The following SUGCT variants were observed in gnomAD, a reference collection of about 807,000 sequenced individuals.
SUGCT encodes succinyl-CoA:glutarate CoA-transferase.
In SUGCT, 41 loss-of-function variants were observed where a neutral mutation model predicts 55.0. The observed-to-expected ratio is 0.74, with a 90% confidence interval of 0.58 to 0.97. The LOEUF is 0.97. Among genes scored for constraint, SUGCT ranks in the 50% least tolerant of loss-of-function variants. The pLI is 0.00. For synonymous variants in SUGCT, 187 were observed against 200.4 expected (o/e 0.93, Z 0.56); for missense variants, 568 against 547.8 (o/e 1.04, Z -0.37).
At chr7:40,253,549 G>T (rs546473542) in intron 7 of SUGCT, among the ~76,000 whole-genome samples, 1 of 151,712 alleles carries the variant, frequency 6.6e-6, no homozygotes, top group East Asian at 1.9e-4. Context: ...TTGTTTGATC[G>T]AATGTGTAAA....
the SUGCT span, among the ~76,000 whole-genome samples, chr7:40,892,470 G>T: frequency 2.0e-5 from 3 of 152,132 alleles, no homozygotes; most frequent in East Asian, 3.8e-4. Context: ...AATACTATCA[G>T]AAAACAATAA....
intron 12 of SUGCT, among the ~76,000 whole-genome samples, chr7:40,577,491 A>G (rs2151703613): frequency 6.6e-6 from 1 of 151,992 alleles, no homozygotes; most frequent in African/African-American, 2.4e-5. Flanking sequence ...GATCTCTTGT[A>G]GAGACTCTGT....
the SUGCT span, among the ~76,000 whole-genome samples, chr7:40,967,462 C>T: frequency 2.6e-5 from 4 of 152,138 alleles, no homozygotes; most frequent in Non-Finnish European, 5.9e-5. Context: ...CTCCCACACC[C>T]AAGCAATTAA....
At position 40,247,011 on chromosome 7, in the gene SUGCT, G is replaced by A. The variant is rs965452768; in HGVS notation, c.576+9285G>A. Reference sequence around the variant, plus strand: ...ACCACAAAGTATTCACATTGCTATTGATCAACATTTGAGTTGTTTTTAGTT... The same window carrying A: ...ACCACAAAGTATTCACATTGCTATTAATCAACATTTGAGTTGTTTTTAGTT... On this transcript the variant is annotated intron_variant, in intron 7 of 13. Transcript: ENST00000335693. Among the ~76,000 whole-genome samples, 11 of 152,088 alleles carry A rather than the reference G, an allele frequency of 7.2e-5. 1 individual carries two copies. The highest frequency in any genetic ancestry group is 7.2e-4 in the Admixed American group (11 of 15,266).
chr7:40,705,019 T>C (rs1366990792), intron 12 of SUGCT, among the ~76,000 whole-genome samples: 1 of 152,240 alleles, frequency 6.6e-6, no homozygotes, highest in Admixed American at 6.5e-5. Context: ...ATATTTGCCT[T>C]TTAATTTTAT....
At chr7:40,254,879 A>T (rs183951247) in intron 7 of SUGCT, among the ~76,000 whole-genome samples, 6 of 152,022 alleles carry the variant, frequency 3.9e-5, no homozygotes, top group Non-Finnish European at 7.4e-5. Context: ...TTTTTATGTG[A>T]TCCAAATAAA....
chr7:40,200,441 G>C (rs561596200), intron 6 of SUGCT, among the ~76,000 whole-genome samples: 5 of 151,838 alleles, frequency 3.3e-5, no homozygotes, highest in South Asian at 2.1e-4. Context: ...TTTTTTTTGA[G>C]GGGGGTAACA....
At chr7:40,478,970 A>G (rs908940825) in intron 11 of SUGCT, among the ~76,000 whole-genome samples, 13 of 152,212 alleles carry the variant, frequency 8.5e-5, no homozygotes, top group Admixed American at 2.6e-4. Flanking sequence ...TTAACTTTAT[A>G]TATTGTCCTC....
intron 6 of SUGCT, among the ~76,000 whole-genome samples, chr7:40,212,151 C>T (rs1787375553): frequency 6.6e-6 from 1 of 151,536 alleles, no homozygotes; most frequent in African/African-American, 2.4e-5. Flanking sequence ...GTGGCATGAT[C>T]GCGGCTCACT....
chr7:40,175,429 A>T (rs1264174913), intron 1 of SUGCT, among the ~76,000 whole-genome samples: 1 of 152,186 alleles, frequency 6.6e-6, no homozygotes, highest in Non-Finnish European at 1.5e-5. Flanking sequence ...CATGCTGGCC[A>T]GGCTGGTCTC....
At chr7:40,259,561 A>G (rs945372339) in intron 7 of SUGCT, among the ~76,000 whole-genome samples, 11 of 152,230 alleles carry the variant, frequency 7.2e-5, no homozygotes, top group Non-Finnish European at 1.5e-4. Flanking sequence ...TGTTGTACAC[A>G]GTACATATAT....
intron 9 of SUGCT, among the ~76,000 whole-genome samples, chr7:40,426,152 C>T (rs1398987237): frequency 1.3e-5 from 2 of 152,070 alleles, no homozygotes; most frequent in African/African-American, 4.8e-5. Context: ...AGAAGTTACT[C>T]GGTATTCAGA....
At chr7:40,428,601 TAAC>T (rs1356380974) in intron 9 of SUGCT, among the ~76,000 whole-genome samples, 4 of 152,004 alleles carry the variant, frequency 2.6e-5, no homozygotes, top group African/African-American at 4.8e-5. Context: ...TTTAAGCTGA[TAAC>T]AACTTTAATT....
the SUGCT span, among the ~76,000 whole-genome samples, chr7:40,963,908 TACTC>T: frequency 6.6e-6 from 1 of 152,232 alleles, no homozygotes; most frequent in South Asian, 2.1e-4. Context: ...GAGGCTGACT[TACTC>T]ACTCATCTTA....
intron 12 of SUGCT, among the ~76,000 whole-genome samples, chr7:40,500,884 A>AACACAT (rs112644426): frequency 8.6e-5 from 13 of 151,654 alleles, no homozygotes; most frequent in South Asian, 4.2e-4. Context: ...CACACACACA[A>AACACAT]ACACATACAC....
rs371203503 is a variant in SUGCT at position 40,305,459 on chromosome 7, C to G, written c.721-11301C>G. ...ACAAATCAGACAAATCCTTTGCTTC[C>G]TGAAGCTTGCATTCTAGCAGACAGA... On this transcript the variant is annotated intron_variant, in intron 8 of 13. Coordinates refer to ENST00000335693, the MANE Select transcript of SUGCT (RefSeq NM_001193313.2). Among the ~76,000 whole-genome samples, 5 of 152,114 alleles carry G rather than the reference C, an allele frequency of 3.3e-5. No homozygotes were observed. In the South Asian group the frequency reaches 8.3e-4, roughly 25 times the overall value.
intron 12 of SUGCT, among the ~76,000 whole-genome samples, chr7:40,545,127 A>C (rs926909889): frequency 6.6e-6 from 1 of 152,176 alleles, no homozygotes; most frequent in African/African-American, 2.4e-5. Context: ...TTGTTTTATA[A>C]ATGAAGGTGG....
At chr7:40,664,708 C>T (rs548920284) in intron 12 of SUGCT, among the ~76,000 whole-genome samples, 15 of 152,254 alleles carry the variant, frequency 9.9e-5, no homozygotes, top group East Asian at 1.9e-4. Flanking sequence ...GAGCTGGGCA[C>T]GGTGGCTCAC....
chr7:40,871,500 A>G, the SUGCT span, among the ~76,000 whole-genome samples: 1 of 152,224 alleles, frequency 6.6e-6, no homozygotes, highest in African/African-American at 2.4e-5. Flanking sequence ...GGAGCAGAAG[A>G]ACCTGCCCAT....
Sources: gnomAD v4.1 joint callset for allele counts (sites outside exome capture counted in the v4.1 genomes callset) on GRCh38, gnomAD v4.1.1 for gene constraint, MANE v1.5 for transcripts, NCBI Gene and HGNC (gene_info 2026-07-23, HGNC 2026-07-21) for gene names.